Variants in RNF144A observed in about 807,000 individuals in gnomAD.
The protein encoded by RNF144A is ring finger protein 144A.
RNF144A carries 11 observed loss-of-function variants against 38.7 expected under a neutral mutation model. The observed-to-expected ratio is 0.28, with a 90% CI of 0.18 to 0.47. The LOEUF is 0.47. Ranked by LOEUF, RNF144A falls within the 20% of genes least tolerant of loss-of-function variation. The probability of loss-of-function intolerance (pLI) is 0.99; values close to 1 mark genes in which losing one functional copy is unlikely to be tolerated. For synonymous variants in RNF144A, 149 were observed against 143.9 expected (o/e 1.04, Z -0.25); for missense variants, 316 against 377.2 (o/e 0.84, Z 1.34).
chr2:6,967,443 G>A (rs1667739920), intron 2 of RNF144A, among the ~76,000 whole-genome samples: 1 of 152,162 alleles, frequency 6.6e-6, no homozygotes, highest in Non-Finnish European at 1.5e-5. Context: ...ATCCCATTGT[G>A]CCCCACCCTT....
chr2:6,918,852 G>A (rs1664345674), intron 1 of RNF144A: 1 of 151,266 alleles, frequency 6.6e-6, no homozygotes, highest in African/African-American at 2.4e-5. Flanking sequence ...ACAGAGGAGT[G>A]AGGTAAGGCC....
At chr2:6,947,064 T>C (rs1316100469) in intron 2 of RNF144A, among the ~76,000 whole-genome samples, 2 of 152,150 alleles carry the variant, frequency 1.3e-5, no homozygotes, top group African/African-American at 4.8e-5. Context: ...TCCATCTGTG[T>C]ATGTATGTGA....
At chr2:7,056,360 T>C (rs1673737369) in intron 6 of RNF144A, among the ~76,000 whole-genome samples, 1 of 152,204 alleles carries the variant, frequency 6.6e-6, no homozygotes, top group Non-Finnish European at 1.5e-5. Context: ...CATCAATTTC[T>C]CAGGCAACTG....
At chr2:7,005,176 T>C (rs771525050) in intron 3 of RNF144A, among the ~76,000 whole-genome samples, 2 of 152,212 alleles carry the variant, frequency 1.3e-5, no homozygotes. Flanking sequence ...GTTCTTCAGC[T>C]GAAGGTCCCT....
chr2:7,044,023 A>G lies in RNF144A; in HGVS notation c.*4263A>G, dbSNP rs1673201621. On this transcript the variant is annotated 3_prime_UTR_variant, in exon 9 of 9. Transcript: ENST00000320892. ...AAAAGAGCTGTTTGAATGCCTTTTAATGTTGTGTTTTGTACTCTGGAATCA... is the reference window on the plus strand; with the variant it reads ...AAAAGAGCTGTTTGAATGCCTTTTAGTGTTGTGTTTTGTACTCTGGAATCA... The G allele has an allele frequency of 9.1e-6, 9 of 985,808 alleles. No individual in the cohort carries two copies. Among genetic ancestry groups the G allele is most frequent in the Non-Finnish European group, 1.1e-5 (9 of 829,884 alleles). The allele number at this position is 985,808 out of a possible 1,614,324, so 61.1% of individuals were successfully genotyped here.
intron 2 of RNF144A, among the ~76,000 whole-genome samples, chr2:6,990,213 C>T (rs1313237197): frequency 6.6e-6 from 1 of 151,982 alleles, no homozygotes; most frequent in Non-Finnish European, 1.5e-5. Flanking sequence ...GAGGACATCC[C>T]CCTGGCTTAC....
chr2:7,040,839 C>A lies in RNF144A; in HGVS notation c.*1079C>A, dbSNP rs571108063. The A allele has an allele frequency of 7.1e-5, 70 of 985,314 alleles. No homozygotes were observed. Among genetic ancestry groups the A allele is most frequent in the Non-Finnish European group, 8.4e-5 (70 of 829,928 alleles). The allele number at this position is 985,314 out of a possible 1,614,324, so 61.0% of individuals were successfully genotyped here. On this transcript the variant is annotated 3_prime_UTR_variant, in exon 9 of 9. Transcript: ENST00000320892. ...ATTTTGAGAAATCATATATCTTACA[C>A]AGTTCCAAGTCCTGTTGCTAACCGT...
chr2:7,019,426 G>A (rs767480663), intron 5 of RNF144A, among the ~76,000 whole-genome samples: 5 of 152,224 alleles, frequency 3.3e-5, no homozygotes, highest in Non-Finnish European at 5.9e-5. Flanking sequence ...GGAGCTGCCC[G>A]GCGGCCAGTC....
chr2:7,021,368 A>G (rs1316471024), intron 6 of RNF144A, among the ~76,000 whole-genome samples: 1 of 152,034 alleles, frequency 6.6e-6, no homozygotes, highest in Non-Finnish European at 1.5e-5. Flanking sequence ...TGTGCTCACC[A>G]GCTGCTCCCT....
At chr2:7,068,269 T>C (rs1674314885) in exon 7 of RNF144A, 1 of 1,300,792 alleles carries the variant, frequency 7.7e-7, no homozygotes, top group Non-Finnish European at 1.0e-6. Flanking sequence ...CTGAGTGTCA[T>C]CTGTAAGAGG....
downstream of RNF144A, among the ~76,000 whole-genome samples, chr2:7,048,863 G>A (rs2103471619): frequency 6.6e-6 from 1 of 152,312 alleles, no homozygotes; most frequent in Non-Finnish European, 1.5e-5. Flanking sequence ...TGAATGCACA[G>A]ACAGCAGCTA....
the RNF144A span, among the ~76,000 whole-genome samples, chr2:7,075,778 A>G: frequency 6.6e-6 from 1 of 152,298 alleles, no homozygotes; most frequent in Admixed American, 6.5e-5. Context: ...GCCTTGAAAG[A>G]CACATGGCAT....
At chr2:6,925,963 G>A (rs896184315) in intron 1 of RNF144A, among the ~76,000 whole-genome samples, 4 of 152,360 alleles carry the variant, frequency 2.6e-5, no homozygotes, top group African/African-American at 9.6e-5. Flanking sequence ...GTGTTTGGAT[G>A]TGTTAGCATA....
At chr2:7,049,202 C>T (rs1464718554) in intron 6 of RNF144A, among the ~76,000 whole-genome samples, 4 of 152,110 alleles carry the variant, frequency 2.6e-5, no homozygotes, top group Non-Finnish European at 5.9e-5. Flanking sequence ...GCTGGCCTTC[C>T]AGGCAGAGGA....
intron 8 of RNF144A, among the ~76,000 whole-genome samples, chr2:7,038,756 T>G (rs1672844947): frequency 6.6e-6 from 1 of 151,996 alleles, no homozygotes; most frequent in South Asian, 2.1e-4. Flanking sequence ...GGTGAATTGA[T>G]GGGCAGATGG....
intron 2 of RNF144A, among the ~76,000 whole-genome samples, chr2:6,946,958 C>T (rs12990806): frequency 0.63 from 95,905 of 151,982 alleles, 34,740 homozygotes; most frequent in Non-Finnish European, 0.81. Flanking sequence ...GTCAGCTGAT[C>T]ACTCAGAGTT....
chr2:6,969,816 C>A (rs1285346270), intron 2 of RNF144A, among the ~76,000 whole-genome samples: 1 of 152,176 alleles, frequency 6.6e-6, no homozygotes, highest in Non-Finnish European at 1.5e-5. Flanking sequence ...GGCTGGAGTG[C>A]AGTGGCATGA....
chr2:6,985,861 AG>A (rs1211914129), intron 2 of RNF144A, among the ~76,000 whole-genome samples: 1 of 152,046 alleles, frequency 6.6e-6, no homozygotes, highest in East Asian at 1.9e-4. Flanking sequence ...TTTTTAGTAG[AG>A]GCGGGGTTTC....
rs79171314 is a variant in RNF144A, at chr2:7,021,269, C to T, written c.509+589C>T. Among the ~76,000 whole-genome samples, 850 of 152,258 alleles carry T rather than the reference C, an allele frequency of 5.6e-3. 4 individuals carry two copies. The highest frequency in any genetic ancestry group is 0.02 in the African/African-American group (815 of 41,554). On this transcript the variant is annotated intron_variant, in intron 6 of 8. Coordinates refer to ENST00000320892, the MANE Select transcript of RNF144A (RefSeq NM_014746.6). ...TTCTCCTACAAAATCTACAAGGTCA[C>T]GTGGTTCTGCTGGACACTTGCCCCT...
Sources: gnomAD v4.1 joint callset for allele counts (sites outside exome capture counted in the v4.1 genomes callset) on GRCh38, gnomAD v4.1.1 for gene constraint, MANE v1.5 for transcripts, NCBI Gene and HGNC (gene_info 2026-07-23, HGNC 2026-07-21) for gene names.